The following FHIT variants were observed in gnomAD, a reference collection of about 807,000 sequenced individuals.
FHIT encodes bis(5'-adenosyl)-triphosphatase.
A neutral mutation model predicts 17.9 loss-of-function variants in FHIT; 19 were observed. That is an observed-to-expected ratio of 1.06 (90% CI 0.74 to 1.56). FHIT has a LOEUF of 1.56. Among genes scored for constraint, FHIT ranks in the 40% most tolerant of loss-of-function variants. The pLI, the probability that FHIT is intolerant of heterozygous loss-of-function variation, is 0.00. For missense variants in FHIT, 248 were observed against 189.2 expected (o/e 1.31, Z -1.82); for synonymous variants, 81 against 69.7 (o/e 1.16, Z -0.81).
intron 1 of FHIT, among the ~76,000 whole-genome samples, chr3:61,225,197 G>C (rs573193666): frequency 6.6e-6 from 1 of 152,104 alleles, no homozygotes; most frequent in Non-Finnish European, 1.5e-5. Flanking sequence ...TAAATATCAG[G>C]TATAAAACAT....
chr3:61,036,290 A>G (rs1000155835), intron 3 of FHIT, among the ~76,000 whole-genome samples: 7 of 152,090 alleles, frequency 4.6e-5, no homozygotes, highest in East Asian at 1.9e-4. Context: ...CAAGGGACTG[A>G]TGCTAAGCTA....
In FHIT at chr3:60,998,038, A is replaced by T. The variant is rs140811527; in HGVS notation, c.-111+44009T>A. On this transcript the variant is annotated intron_variant, in intron 3 of 9. Coordinates refer to ENST00000492590, the MANE Select transcript of FHIT (RefSeq NM_002012.4). Reference sequence around the variant, plus strand: ...CTCTGAGATAAATATCACTTTAGCCATTTTGATGATGAAGAAACTCAGGCT... The same window carrying T: ...CTCTGAGATAAATATCACTTTAGCCTTTTTGATGATGAAGAAACTCAGGCT... 2.1e-3 allele frequency among the ~76,000 whole-genome samples: 316 copies of T among 152,330 alleles called. 1 individual carries two copies. Among genetic ancestry groups the T allele is most frequent in the Non-Finnish European group, 3.4e-3 (232 of 68,032 alleles).
chr3:59,904,055 G>C (rs1406804417), intron 8 of FHIT, among the ~76,000 whole-genome samples: 1 of 151,946 alleles, frequency 6.6e-6, no homozygotes, highest in African/African-American at 2.4e-5. Context: ...GCACAAAATA[G>C]TGGCTACTTC....
At chr3:60,936,813 A>C (rs1708210489) in intron 3 of FHIT, among the ~76,000 whole-genome samples, 2 of 152,232 alleles carry the variant, frequency 1.3e-5, no homozygotes, top group Non-Finnish European at 2.9e-5. Context: ...TCAAAGGGAA[A>C]AGAGGATAAT....
At chr3:59,942,395 C>A (rs1471659675) in intron 7 of FHIT, among the ~76,000 whole-genome samples, 1 of 152,204 alleles carries the variant, frequency 6.6e-6, no homozygotes, top group Non-Finnish European at 1.5e-5. Context: ...GCGCAGGTCT[C>A]ATTTTCACCC....
chr3:60,310,129 G>T (rs193192111), intron 5 of FHIT, among the ~76,000 whole-genome samples: 5 of 152,132 alleles, frequency 3.3e-5, no homozygotes, highest in South Asian at 2.1e-4. Flanking sequence ...TTTCTCTGCC[G>T]TGGGAAAGGC....
chr3:60,243,135 C>T (rs990828823), intron 5 of FHIT, among the ~76,000 whole-genome samples: 10 of 151,730 alleles, frequency 6.6e-5, no homozygotes, highest in Non-Finnish European at 1.2e-4. Flanking sequence ...GATTGTTCGC[C>T]TTTGGGAGGG....
chr3:61,184,548 T>C (rs1254985667), intron 2 of FHIT, among the ~76,000 whole-genome samples: 3 of 151,984 alleles, frequency 2.0e-5, no homozygotes, highest in South Asian at 4.2e-4. Flanking sequence ...TGTGAACAAA[T>C]ATGCCAGCAA....
At chr3:60,190,233 C>A (rs1223403143) in intron 5 of FHIT, among the ~76,000 whole-genome samples, 1 of 152,038 alleles carries the variant, frequency 6.6e-6, no homozygotes, top group Non-Finnish European at 1.5e-5. Context: ...TCACTTCTTG[C>A]TCTGTTATTT....
intron 3 of FHIT, among the ~76,000 whole-genome samples, chr3:60,868,902 A>G (rs1704277320): frequency 6.6e-6 from 1 of 152,168 alleles, no homozygotes; most frequent in Admixed American, 6.6e-5. Context: ...AGAGTGGGAT[A>G]GCAGGCGAGT....
intron 2 of FHIT, among the ~76,000 whole-genome samples, chr3:61,117,549 A>G (rs1353545477): frequency 2.0e-5 from 3 of 152,198 alleles, no homozygotes; most frequent in South Asian, 4.1e-4. Flanking sequence ...AAGGAATGCA[A>G]ACAGGGGCAG....
At chr3:60,696,270 T>G (rs1329338593) in intron 4 of FHIT, among the ~76,000 whole-genome samples, 1 of 152,178 alleles carries the variant, frequency 6.6e-6, no homozygotes, top group African/African-American at 2.4e-5. Flanking sequence ...TTAAGGTTCC[T>G]TCTAGAAAGG....
chr3:60,320,399 A>C (rs372848154), intron 5 of FHIT, among the ~76,000 whole-genome samples: 3 of 152,324 alleles, frequency 2.0e-5, no homozygotes, highest in East Asian at 1.9e-4. Flanking sequence ...AACCAAAAAG[A>C]AGCAATAGCA....
At chr3:60,170,248 A>T (rs1303029524) in intron 5 of FHIT, among the ~76,000 whole-genome samples, 3 of 152,158 alleles carry the variant, frequency 2.0e-5, no homozygotes, top group African/African-American at 7.2e-5. Flanking sequence ...AACTGTCCTT[A>T]TCACCATACA....
intron 7 of FHIT, among the ~76,000 whole-genome samples, chr3:59,938,965 T>G (rs1559481951): frequency 6.6e-6 from 1 of 152,130 alleles, no homozygotes; most frequent in Non-Finnish European, 1.5e-5. Context: ...CTGCATATCA[T>G]CTCAGCCTGG....
intron 4 of FHIT, among the ~76,000 whole-genome samples, chr3:60,590,341 T>C (rs114417319): frequency 0.015 from 2,281 of 152,122 alleles, 55 homozygotes; most frequent in African/African-American, 0.05. Flanking sequence ...CTGTTACTAA[T>C]CGCCACAGCA....
rs977978693 is a variant in FHIT, at chr3:60,764,639, T to C, written c.-18+57280A>G. ...AGTCTCATTCTTTAGAAATAACAAA[T>C]GCATATTTTGACTCACTCTGTAAGA... On this transcript the variant is annotated intron_variant, in intron 4 of 9. Coordinates refer to ENST00000492590, the MANE Select transcript of FHIT (RefSeq NM_002012.4). 3.1e-4 allele frequency among the ~76,000 whole-genome samples: 47 copies of C among 152,164 alleles called. 1 individual carries two copies. The highest frequency in any genetic ancestry group is 2.6e-3 in the Admixed American group (40 of 15,278).
intron 3 of FHIT, among the ~76,000 whole-genome samples, chr3:60,959,699 T>C (rs1466858096): frequency 1.3e-5 from 2 of 151,936 alleles, no homozygotes; most frequent in Middle Eastern, 3.2e-3. Flanking sequence ...GCAAATGCTC[T>C]GTGGGAGGCA....
At chr3:60,316,057 T>C (rs1028741363) in intron 5 of FHIT, among the ~76,000 whole-genome samples, 1 of 152,182 alleles carries the variant, frequency 6.6e-6, no homozygotes, top group Non-Finnish European at 1.5e-5. Flanking sequence ...GTCATGAACA[T>C]GACATTGTTC....
Sources: allele counts gnomAD v4.1 joint callset (sites outside exome capture counted in the v4.1 genomes callset), GRCh38; gene constraint gnomAD v4.1.1; transcripts MANE v1.5; gene names NCBI Gene and HGNC (gene_info 2026-07-23, HGNC 2026-07-21).